Variants in RNF6 observed in about 807,000 individuals in gnomAD.
RNF6 encodes E3 ubiquitin-protein ligase RNF6.
Under a neutral mutation model 50.1 loss-of-function variants are expected in RNF6, and 21 were observed. The ratio of observed to expected loss-of-function variants is 0.42; its 90% CI spans 0.30 to 0.60. RNF6 has a LOEUF of 0.60. RNF6 is among the 20% of genes least tolerant of loss of function. The pLI, the probability that RNF6 is intolerant of heterozygous loss-of-function variation, is 0.20. For missense variants in RNF6, 698 were observed against 838.2 expected, an observed-to-expected ratio of 0.83 and a Z score of 2.07; for synonymous variants, 255 against 291.8, an observed-to-expected ratio of 0.87 and a Z score of 1.29.
intron 5 of RNF6, among the ~76,000 whole-genome samples, chr13:26,180,596 A>C (rs1036581055): frequency 6.6e-6 from 1 of 152,160 alleles, no homozygotes; most frequent in Non-Finnish European, 1.5e-5. Context: ...AATTTGCAGA[A>C]TCTGTGGACC....
intron 5 of RNF6, among the ~76,000 whole-genome samples, chr13:26,195,707 G>A (rs1013463227): frequency 5.9e-5 from 9 of 152,254 alleles, no homozygotes; most frequent in Admixed American, 2.6e-4. Context: ...GTTATAATTC[G>A]AAACAAGTAT....
intron 5 of RNF6, among the ~76,000 whole-genome samples, chr13:26,144,323 TTAAA>T (rs1566405993): frequency 2.0e-5 from 3 of 152,114 alleles, no homozygotes; most frequent in Admixed American, 1.3e-4. Flanking sequence ...TACCTGATTA[TTAAA>T]GTTCTCCTTT....
intron 5 of RNF6, among the ~76,000 whole-genome samples, chr13:26,202,752 G>A (rs1212122610): frequency 6.6e-6 from 1 of 152,228 alleles, no homozygotes; most frequent in Non-Finnish European, 1.5e-5. Flanking sequence ...GGTACATTTA[G>A]AAAGGAAAAA....
chr13:26,181,268 A>G (rs1873227996), intron 5 of RNF6, among the ~76,000 whole-genome samples: 2 of 152,128 alleles, frequency 1.3e-5, no homozygotes, highest in African/African-American at 4.8e-5. Flanking sequence ...ACTGCAGAGC[A>G]CCTCCAGGAT....
chr13:26,208,713 T>C (rs1593187916), downstream of RNF6, among the ~76,000 whole-genome samples: 1 of 152,152 alleles, frequency 6.6e-6, no homozygotes, highest in Non-Finnish European at 1.5e-5. Context: ...CCAAGTTACA[T>C]GGTTGCAATG....
intron 5 of RNF6, among the ~76,000 whole-genome samples, chr13:26,159,482 G>A (rs1484639694): frequency 3.3e-5 from 5 of 151,936 alleles, no homozygotes; most frequent in East Asian, 1.9e-4. Flanking sequence ...AAAATTAACC[G>A]GGCATGGTGG....
intron 5 of RNF6, chr13:26,142,320 G>A (rs567836449): frequency 6.6e-6 from 1 of 152,250 alleles, no homozygotes; most frequent in South Asian, 2.1e-4. Flanking sequence ...AAATATTTAT[G>A]GAGATTTATC....
At chr13:26,196,136 C>T (rs1868649354) in intron 5 of RNF6, among the ~76,000 whole-genome samples, 1 of 152,136 alleles carries the variant, frequency 6.6e-6, no homozygotes. Flanking sequence ...AAAACTATAG[C>T]TTGGGACATC....
intron 5 of RNF6, among the ~76,000 whole-genome samples, chr13:26,151,466 T>G (rs917516761): frequency 6.6e-6 from 1 of 152,184 alleles, no homozygotes; most frequent in Non-Finnish European, 1.5e-5. Context: ...TTTTTCCATG[T>G]TGGCCAGGCT....
At chr13:26,217,935 T>C (rs886423145) in intron 4 of RNF6, among the ~76,000 whole-genome samples, 3 of 152,214 alleles carry the variant, frequency 2.0e-5, no homozygotes, top group Admixed American at 6.5e-5. Flanking sequence ...ATAGACTTCA[T>C]GGTAACTAAT....
At chr13:26,157,956 A>AAGAC (rs1555315627) in intron 5 of RNF6, among the ~76,000 whole-genome samples, 2 of 146,624 alleles carry the variant, frequency 1.4e-5, no homozygotes, top group Non-Finnish European at 3.0e-5. Context: ...AGCTAGCTAG[A>AAGAC]AGATAGATAG....
chr13:26,211,627 G>A (rs778153693), downstream of RNF6, among the ~76,000 whole-genome samples: 6 of 152,020 alleles, frequency 3.9e-5, no homozygotes, highest in South Asian at 2.1e-4. Context: ...GCGTGGTGGC[G>A]CATGTCTGTA....
At chr13:26,144,855 G>C (rs191350920) in intron 5 of RNF6, 3 of 152,234 alleles carry the variant, frequency 2.0e-5, no homozygotes, top group Non-Finnish European at 4.4e-5. Context: ...TTCAGGGCCT[G>C]CTTGGCCCAA....
rs537746847 is a variant in RNF6 at position 26,160,231 on chromosome 13, A to G, written n.769-27780T>C. On this transcript the variant is annotated intron_variant and non_coding_transcript_variant, in intron 5 of 5. Transcript: ENST00000468480. ...GTGCAGTTCGATAAACACAGACCCA[A>G]TCTAGAAGCTGTTGATTTTGAGGGA... 1.2e-4 allele frequency among the ~76,000 whole-genome samples: 19 copies of G among 152,302 alleles called. No homozygotes were observed. The East Asian group carries it at 3.3e-3, about 26-fold the overall frequency.
chr13:26,175,553 C>T (rs1872915189), intron 5 of RNF6, among the ~76,000 whole-genome samples: 3 of 152,164 alleles, frequency 2.0e-5, no homozygotes, highest in Non-Finnish European at 2.9e-5. Context: ...AAAGCTTGTC[C>T]TACCTGTCTT....
rs764895011 is a variant in RNF6 at position 26,214,051 on chromosome 13, T to C, written c.1831A>G (p.Ile611Val). Residue 611 changes from isoleucine to valine, a missense_variant, in exon 5 of 5, where the codon ATT becomes GTT. Coordinates refer to ENST00000381588, the MANE Select transcript of RNF6 (RefSeq NM_005977.4). Reference protein sequence around the residue: ...DRIRGLTKEQIDNLSTRHYEH... With the variant: ...DRIRGLTKEQVDNLSTRHYEH... ...TAGTGCCTGGTGGAAAGATTGTCAA[T>C]CTGCTCTTTGGTTAAACCACGTATT... The C allele has an allele frequency of 6.2e-6, 10 of 1,614,120 alleles. No individual in the cohort carries two copies. In the Admixed American group the frequency reaches 6.7e-5, roughly 11 times the overall value.
At position 26,180,083 on chromosome 13, in the gene RNF6, C is replaced by A. The variant is rs117169636; in HGVS notation, n.768+35391G>T. ...CCATTGGCAGTAACCCAAATGACAC[C>A]CTGTTCTACCCCCAGATAATCAAGG... On this transcript the variant is annotated intron_variant and non_coding_transcript_variant, in intron 5 of 5. Transcript: ENST00000468480. 4.6e-3 allele frequency among the ~76,000 whole-genome samples: 703 copies of A among 152,246 alleles called. 3 individuals carry two copies. The highest frequency in any genetic ancestry group is 0.027 in the Middle Eastern group (8 of 294).
chr13:26,171,057 C>T (rs1158461), intron 5 of RNF6, among the ~76,000 whole-genome samples: 113,026 of 152,020 alleles, frequency 0.74, 42,287 homozygotes, highest in East Asian at 0.8. Context: ...AATAGATACA[C>T]AGGACTTCAT....
chr13:26,157,730 T>C (rs1364927102), intron 5 of RNF6, among the ~76,000 whole-genome samples: 1 of 152,154 alleles, frequency 6.6e-6, no homozygotes, highest in East Asian at 1.9e-4. Flanking sequence ...TGAAGAAATG[T>C]GAATCCTCAA....
Sources: gnomAD v4.1 joint callset for allele counts (sites outside exome capture counted in the v4.1 genomes callset) on GRCh38, gnomAD v4.1.1 for gene constraint, MANE v1.5 for transcripts, NCBI Gene and HGNC (gene_info 2026-07-23, HGNC 2026-07-21) for gene names.